The following XRN1 variants were observed in gnomAD, a reference collection of about 807,000 sequenced individuals.
XRN1 encodes strand-exchange protein 1 homolog.
Under a neutral mutation model 222.3 loss-of-function variants are expected in XRN1, and 67 were observed. The ratio of observed to expected loss-of-function variants is 0.30; its 90% confidence interval spans 0.25 to 0.37. XRN1 has a LOEUF of 0.37. XRN1 is among the 10% of genes least tolerant of loss of function. XRN1 has a pLI of 1.00. For synonymous variants in XRN1, 643 were observed against 652.4 expected, an observed-to-expected ratio of 0.99 and a Z score of 0.22; for missense variants, 1,707 against 2,000.2, an observed-to-expected ratio of 0.85 and a Z score of 2.80.
At chr3:142,346,567 G>A (rs773515391) in intron 33 of XRN1, among the ~76,000 whole-genome samples, 6 of 150,446 alleles carry the variant, frequency 4.0e-5, no homozygotes, top group African/African-American at 9.8e-5. Flanking sequence ...TGCAACCTCC[G>A]CCCCCCAGGC....
intron 27 of XRN1, among the ~76,000 whole-genome samples, chr3:142,367,554 T>A (rs957336202): frequency 2.6e-5 from 4 of 152,030 alleles, no homozygotes; most frequent in Admixed American, 6.6e-5. Flanking sequence ...CTTTTTTTTT[T>A]ATTTTTTTTG....
chr3:142,421,107 A>T lies in XRN1; in HGVS notation c.1082T>A (p.Phe361Tyr). 1.2e-6 allele frequency: 2 copies of T among 1,614,000 alleles called. No individual in the cohort carries two copies. Among genetic ancestry groups the T allele is most frequent in the Non-Finnish European group, 1.7e-6 (2 of 1,179,964 alleles). The change falls in exon 10 of 41, where the codon TTT becomes TAT. Residue 361 changes from phenylalanine to tyrosine, a missense_variant. By Grantham distance (22) the Phe-to-Tyr change is conservative. Coordinates refer to ENST00000392981, the MANE Select transcript of XRN1 (RefSeq NM_001282857.2). ...FSEVFVDLKW[F>Y]ESKVGNKYLN... ...GTACTTGTTACCAACTTTGCTTTCAAACCATTTTAGGTCCACAAAAACTTC... is the reference window on the plus strand; with the variant it reads ...GTACTTGTTACCAACTTTGCTTTCATACCATTTTAGGTCCACAAAAACTTC...
intron 1 of XRN1, among the ~76,000 whole-genome samples, chr3:142,445,275 T>C (rs2070454953): frequency 6.6e-6 from 1 of 152,216 alleles, no homozygotes; most frequent in African/African-American, 2.4e-5. Flanking sequence ...TGTTCTTTCA[T>C]GTCTTACCTC....
chr3:142,434,481 A>G (rs569765285), intron 1 of XRN1, among the ~76,000 whole-genome samples: 241 of 148,836 alleles, frequency 1.6e-3, no homozygotes, highest in African/African-American at 5.8e-3. Context: ...CCTCAGCATC[A>G]ACGACTTGAT....
rs1577366607 is a variant in XRN1, at chr3:142,400,485, A to T, written c.2166T>A (p.Leu722=). Residue 722 remains leucine (L), a synonymous_variant, in exon 19 of 41, where the codon CTT becomes CTA. Coordinates refer to ENST00000392981, the MANE Select transcript of XRN1 (RefSeq NM_001282857.2). ...ATACAGCCACGACTCTAGCTTCCTC[A>T]AGGTGAGGCCAATTAACAAAGACAG... ...GKSVFVNWPH[L]EEARVVAVSD... 6.2e-7 allele frequency: 1 copy of T among 1,612,194 alleles called. No homozygotes were observed. Among genetic ancestry groups the T allele is most frequent in the Non-Finnish European group, 8.5e-7 (1 of 1,178,940 alleles).
Position 142,418,577 on chromosome 3 carries a change from G to A in XRN1, c.1273C>T (p.Leu425=), listed in dbSNP as rs756104773. The A allele has an allele frequency of 3.1e-6, 5 of 1,607,418 alleles. No individual in the cohort carries two copies. The highest frequency in any genetic ancestry group is 4.2e-6 in the Non-Finnish European group (5 of 1,178,260). Residue 425 remains leucine, a synonymous_variant, in exon 12 of 41, where the codon CTA becomes TTA. Transcript: ENST00000392981. Reference sequence around the variant, plus strand: ...TATTGTCTAAACTCAGTTTCAAATAGGTCATCATCTTCAGTCTCATCTTCT... The same window carrying A: ...TATTGTCTAAACTCAGTTTCAAATAAGTCATCATCTTCAGTCTCATCTTCT... ...NLEDETEDDD[L]FETEFRQYKR...
chr3:142,357,035 C>A lies in XRN1; in HGVS notation c.3549G>T (p.Gln1183His), dbSNP rs1193262191. ...SHGSRSETGN[Q>H]KLTAIVKPQP... is the part of the protein sequence containing the mutation. ...GTGGTTTTACGATGGCTGTCAACTT[C>A]TGATTTCCAGTTTCAGAGCGACTCC... The change falls in exon 31 of 41, where the codon CAG (glutamine) becomes CAT (histidine). Residue 1183 changes from glutamine (Q) to histidine (H), a missense_variant. By Grantham distance (24) the Gln-to-His change is conservative (BLOSUM62 0). Around this residue, in one of 2 missense-constraint regions of XRN1, gnomAD observed 1,234 missense variants for 1,518.2 expected, o/e 0.81. Coordinates refer to ENST00000392981, the MANE Select transcript of XRN1 (RefSeq NM_001282857.2). 3.7e-6 allele frequency: 6 copies of A among 1,613,838 alleles called. No individual in the cohort carries two copies. Among genetic ancestry groups the A allele is most frequent in the Non-Finnish European group, 4.2e-6 (5 of 1,179,984 alleles).
At position 142,333,011 on chromosome 3, in the gene XRN1, C is replaced by T. The variant is rs763372386; in HGVS notation, c.4018G>A (p.Glu1340Lys). 9 of 1,613,636 alleles carry T rather than the reference C, an allele frequency of 5.6e-6. No individual in the cohort carries two copies. Among genetic ancestry groups the T allele is most frequent in the African/African-American group, 1.3e-5 (1 of 74,900 alleles). The change falls in exon 35 of 41, where the codon GAG (glutamate) becomes AAG (lysine). Residue 1340 changes from glutamate to lysine, a missense_variant. This residue lies in a region of XRN1 where 473 missense variants were observed against 482.0 expected (regional missense o/e 0.98). Coordinates refer to ENST00000392981, the MANE Select transcript of XRN1 (RefSeq NM_001282857.2). ...ENEVQSSHHG[E>K]PPSEEHLSPQ... is the part of the protein sequence containing the mutation. ...GACAAATGCTCTTCACTTGGAGGCT[C>T]CCCATGATGAGATGACTGTACTTCA... is the stretch of plus-strand genomic sequence containing the variant.
intron 13 of XRN1, among the ~76,000 whole-genome samples, chr3:142,415,882 T>C (rs1309393114): frequency 6.6e-6 from 1 of 152,178 alleles, no homozygotes; most frequent in Non-Finnish European, 1.5e-5. Context: ...ATTTTTCTAC[T>C]TTGGTGGATG....
At chr3:142,353,759 T>A (rs906454145) in intron 32 of XRN1, among the ~76,000 whole-genome samples, 1 of 152,154 alleles carries the variant, frequency 6.6e-6, no homozygotes, top group Non-Finnish European at 1.5e-5. Context: ...ACTTGGAGTA[T>A]CAGCCTTGAA....
Position 142,418,500 on chromosome 3 carries a change from G to C in XRN1, c.1346+4C>G. ...TTAAAATAAAAGCATTGGCAAAAAC[G>C]TACTCAGATACTACGTCAACCCCCA... On this transcript the variant is annotated splice_donor_region_variant and intron_variant, in intron 12 of 40. Transcript: ENST00000392981. 1 of 1,592,426 alleles carries C rather than the reference G, an allele frequency of 6.3e-7. No individual in the cohort carries two copies. Among genetic ancestry groups the C allele is most frequent in the Non-Finnish European group, 8.6e-7 (1 of 1,169,002 alleles).
At chr3:142,313,179 AAAAAAACC>A in intron 39 of XRN1, 1 of 1,610,806 alleles carries the variant, frequency 6.2e-7, no homozygotes. Context: ...CCCAGCCTAC[AAAAAAACC>A]AAAAAACCTC....
intron 2 of XRN1, among the ~76,000 whole-genome samples, chr3:142,428,283 T>C (rs901504419): frequency 6.7e-6 from 1 of 149,760 alleles, no homozygotes; most frequent in South Asian, 2.1e-4. Flanking sequence ...TAGTCCCAGC[T>C]ACTTGGGAGG....
Position 142,423,584 on chromosome 3 carries a change from C to T in XRN1, c.686G>A (p.Arg229Gln), listed in dbSNP as rs752437561. ...AHFSLLREEV[R>Q]FGGKKTQRVC... ...CCGTTGTGTTTTTTTGCCACCAAAT[C>T]GAACTTCTTCTCTTAAGAGAGAAAA... Residue 229 changes from arginine to glutamine, a missense_variant, in exon 6 of 41, where the codon CGA becomes CAA. By Grantham distance (43) the Arg-to-Gln change is conservative (BLOSUM62 1). This residue lies in a region of XRN1 where 1,234 missense variants were observed against 1,518.2 expected (regional missense o/e 0.81). Transcript: ENST00000392981. The T allele has an allele frequency of 5.6e-6, 9 of 1,600,834 alleles. No individual in the cohort carries two copies. The highest frequency in any genetic ancestry group is 4.5e-5 in the East Asian group (2 of 44,088).
chr3:142,369,048 A>C (rs1431696034), intron 27 of XRN1, among the ~76,000 whole-genome samples: 3 of 152,098 alleles, frequency 2.0e-5, no homozygotes, highest in Non-Finnish European at 4.4e-5. Flanking sequence ...ATATTGAAAA[A>C]CCGATTCAAA....
intron 11 of XRN1, 87 bp downstream of exon 11, chr3:142,418,728 C>T (rs1224214879): frequency 1.5e-5 from 23 of 1,507,574 alleles, no homozygotes; most frequent in African/African-American, 5.6e-5. Context: ...GAAATCTGTT[C>T]CACCCAAAAT....
chr3:142,422,571 A>G lies in XRN1; in HGVS notation c.967+11T>C, dbSNP rs775206654. The G allele has an allele frequency of 1.2e-6, 2 of 1,611,496 alleles. No homozygotes were observed. Among genetic ancestry groups the G allele is most frequent in the South Asian group, 2.2e-5 (2 of 90,722 alleles). Reference sequence around the variant, plus strand: ...TAAAGTATCCTCGAGAGATTATTAAATTCTTCTTACCCCCAAGTTCTGGCA... The same window carrying G: ...TAAAGTATCCTCGAGAGATTATTAAGTTCTTCTTACCCCCAAGTTCTGGCA... On this transcript the variant is annotated intron_variant, in intron 8 of 40. Coordinates refer to ENST00000392981, the MANE Select transcript of XRN1 (RefSeq NM_001282857.2).
intron 20 of XRN1, among the ~76,000 whole-genome samples, chr3:142,387,910 A>G (rs1274256082): frequency 3.9e-5 from 6 of 152,062 alleles, no homozygotes; most frequent in African/African-American, 1.4e-4. Context: ...TTTTCTTGCC[A>G]TGTGATCTGT....
chr3:142,383,778 T>A (rs2067388833), intron 21 of XRN1, among the ~76,000 whole-genome samples: 1 of 152,196 alleles, frequency 6.6e-6, no homozygotes, highest in Admixed American at 6.5e-5. Flanking sequence ...CACTGTACTA[T>A]AACACCCCAA....
Sources: allele counts gnomAD v4.1 joint callset (sites outside exome capture counted in the v4.1 genomes callset), GRCh38; gene constraint gnomAD v4.1.1; regional missense constraint gnomAD v4.1.1; transcripts MANE v1.5; gene names NCBI Gene and HGNC (gene_info 2026-07-23, HGNC 2026-07-21).